Variants in AGBL4 observed in about 807,000 individuals in gnomAD.
The protein encoded by AGBL4 is AGBL carboxypeptidase 4.
Under a neutral mutation model 66.4 loss-of-function variants are expected in AGBL4, and 58 were observed. That is an observed-to-expected ratio of 0.87 (90% CI 0.71 to 1.09). The LOEUF is 1.09. AGBL4 is among the 50% of genes least tolerant of loss of function. AGBL4 has a pLI of 0.00. For synonymous variants in AGBL4, 234 were observed against 222.9 expected, an observed-to-expected ratio of 1.05 and a Z score of -0.44; for missense variants, 579 against 631.0, an observed-to-expected ratio of 0.92 and a Z score of 0.88.
intron 3 of AGBL4, among the ~76,000 whole-genome samples, chr1:49,533,260 C>T (rs1422948841): frequency 6.6e-6 from 1 of 152,154 alleles, no homozygotes; most frequent in Non-Finnish European, 1.5e-5. Context: ...CCTGGACTTC[C>T]ACTATGCCCT....
At chr1:49,520,256 A>G (rs1308695195) in intron 3 of AGBL4, among the ~76,000 whole-genome samples, 1 of 151,990 alleles carries the variant, frequency 6.6e-6, no homozygotes, top group African/African-American at 2.4e-5. Context: ...TCAGATCCTA[A>G]GGGCTTTCAA....
intron 3 of AGBL4, among the ~76,000 whole-genome samples, chr1:49,679,495 CTCTT>C (rs1393962561): frequency 6.6e-6 from 1 of 152,048 alleles, no homozygotes; most frequent in Non-Finnish European, 1.5e-5. Flanking sequence ...TTGCATCTCT[CTCTT>C]TTATTTAGTC....
chr1:49,563,614 T>C (rs1312678289), intron 3 of AGBL4, among the ~76,000 whole-genome samples: 2 of 152,194 alleles, frequency 1.3e-5, no homozygotes, highest in Admixed American at 1.3e-4. Flanking sequence ...ATTACATTTA[T>C]TGATTTTCAT....
chr1:49,195,778 A>C (rs759146047), intron 4 of AGBL4, among the ~76,000 whole-genome samples: 8 of 152,066 alleles, frequency 5.3e-5, no homozygotes, highest in Non-Finnish European at 1.5e-5. Context: ...GGGAGTACTG[A>C]AGATTTGTAA....
At chr1:48,574,376 A>G (rs962137428) in intron 11 of AGBL4, among the ~76,000 whole-genome samples, 3 of 152,182 alleles carry the variant, frequency 2.0e-5, no homozygotes, top group African/African-American at 7.2e-5. Context: ...AATAATACTC[A>G]TCTCTACGGA....
chr1:49,446,936 C>T (rs1048020913), intron 3 of AGBL4, among the ~76,000 whole-genome samples: 3 of 152,166 alleles, frequency 2.0e-5, no homozygotes, highest in Non-Finnish European at 4.4e-5. Flanking sequence ...AATCACAGCA[C>T]ACATAGTGAG....
At chr1:49,968,930 T>C (rs984893370) in intron 1 of AGBL4, among the ~76,000 whole-genome samples, 3 of 152,228 alleles carry the variant, frequency 2.0e-5, no homozygotes, top group Non-Finnish European at 4.4e-5. Context: ...TAAATGTGTG[T>C]GGTTTTAACC....
Position 49,312,352 on chromosome 1 carries a change from C to A in AGBL4, c.283-66488G>T, listed in dbSNP as rs1023394386. On this transcript the variant is annotated intron_variant, in intron 3 of 13. Coordinates refer to ENST00000371839, the MANE Select transcript of AGBL4 (RefSeq NM_032785.4). ...GCAAAGACAGAGTCCTTATCAGACACTGAACCTCCCAGCACCTTCAACTAT... is the reference window on the plus strand; with the variant it reads ...GCAAAGACAGAGTCCTTATCAGACAATGAACCTCCCAGCACCTTCAACTAT... 2.6e-5 allele frequency among the ~76,000 whole-genome samples: 4 copies of A among 152,082 alleles called. No individual in the cohort carries two copies. In the South Asian group the frequency reaches 6.2e-4, roughly 24 times the overall value.
intron 3 of AGBL4, among the ~76,000 whole-genome samples, chr1:49,476,676 T>C (rs1042710498): frequency 6.6e-6 from 1 of 152,090 alleles, no homozygotes; most frequent in Admixed American, 6.5e-5. Flanking sequence ...TGGTCCTTTT[T>C]CTTATTGTTT....
intron 3 of AGBL4, among the ~76,000 whole-genome samples, chr1:49,405,732 A>G (rs1333337368): frequency 1.3e-5 from 2 of 152,226 alleles, no homozygotes; most frequent in Non-Finnish European, 2.9e-5. Context: ...TTGGCCTCAG[A>G]TCTACGTTTT....
intron 4 of AGBL4, among the ~76,000 whole-genome samples, chr1:49,220,124 C>T (rs1415605015): frequency 2.0e-5 from 3 of 152,166 alleles, no homozygotes; most frequent in Non-Finnish European, 2.9e-5. Context: ...CAAATAGCTA[C>T]AGATTTTTGT....
intron 6 of AGBL4, among the ~76,000 whole-genome samples, chr1:48,854,937 G>A (rs76723758): frequency 0.032 from 4,834 of 152,270 alleles, 266 homozygotes; most frequent in African/African-American, 0.11. Flanking sequence ...TGGGTCCTTT[G>A]AGCCCTGTAT....
At chr1:49,019,329 C>A (rs1415313025) in intron 5 of AGBL4, among the ~76,000 whole-genome samples, 1 of 152,170 alleles carries the variant, frequency 6.6e-6, no homozygotes, top group African/African-American at 2.4e-5. Flanking sequence ...ATCCTCCCCA[C>A]ATGGACATCA....
intron 3 of AGBL4, among the ~76,000 whole-genome samples, chr1:49,597,494 C>A (rs76465807): frequency 0.031 from 4,649 of 152,228 alleles, 109 homozygotes; most frequent in Non-Finnish European, 0.043. Context: ...AGAAAGAACA[C>A]CCTCAGCAGA....
intron 6 of AGBL4, among the ~76,000 whole-genome samples, chr1:48,705,312 A>G (rs1243134746): frequency 6.6e-6 from 1 of 152,274 alleles, no homozygotes; most frequent in Non-Finnish European, 1.5e-5. Context: ...AACAGCAGAT[A>G]TGAAATGATG....
At chr1:48,976,478 G>A (rs1000365993) in intron 5 of AGBL4, among the ~76,000 whole-genome samples, 2 of 152,102 alleles carry the variant, frequency 1.3e-5, no homozygotes, top group African/African-American at 2.4e-5. Flanking sequence ...GCTGGAAAGT[G>A]CATTTATTAT....
At chr1:49,317,050 T>G (rs1429587223) in intron 3 of AGBL4, among the ~76,000 whole-genome samples, 2 of 151,972 alleles carry the variant, frequency 1.3e-5, no homozygotes, top group African/African-American at 4.8e-5. Flanking sequence ...TTTGTCTCTA[T>G]ATATCTCTAT....
At chr1:49,555,666 G>T (rs1323249505) in intron 3 of AGBL4, among the ~76,000 whole-genome samples, 1 of 149,130 alleles carries the variant, frequency 6.7e-6, no homozygotes, top group Non-Finnish European at 1.5e-5. Flanking sequence ...AATCTACAAA[G>T]AACTCAAACA....
intron 3 of AGBL4, among the ~76,000 whole-genome samples, chr1:49,521,274 AT>A (rs1284125618): frequency 1.3e-5 from 2 of 152,140 alleles, no homozygotes; most frequent in African/African-American, 2.4e-5. Context: ...TAAAATTCAT[AT>A]GGTACAAAAA....
Sources: allele counts gnomAD v4.1 joint callset (sites outside exome capture counted in the v4.1 genomes callset), GRCh38; gene constraint gnomAD v4.1.1; transcripts MANE v1.5; gene names NCBI Gene and HGNC (gene_info 2026-07-23, HGNC 2026-07-21).